PCID2: variants seen among roughly 807,000 people sequenced by gnomAD.
PCID2 encodes the protein PCI domain-containing protein 2.
A neutral mutation model predicts 61.3 loss-of-function variants in PCID2; 41 were observed. That is an observed-to-expected ratio of 0.67 (90% CI 0.52 to 0.87). PCID2 has a LOEUF of 0.87. PCID2 is among the 40% of genes least tolerant of loss of function. The pLI is 0.00. For synonymous variants in PCID2, 187 were observed against 177.8 expected (o/e 1.05, Z -0.41); for missense variants, 392 against 493.4 (o/e 0.79, Z 1.95).
Position 113,194,588 on chromosome 13 carries a change from A to G in PCID2, c.363+483T>C, listed in dbSNP as rs181319155. Among the ~76,000 whole-genome samples the G allele has an allele frequency of 2.5e-3, 375 of 152,294 alleles. 2 individuals carry two copies. The highest frequency in any genetic ancestry group is 4.1e-3 in the Non-Finnish European group (279 of 68,002). On this transcript the variant is annotated intron_variant, in intron 6 of 13. Transcript: ENST00000337344. The stretch of plus-strand genomic sequence containing the variant: ...GTAAAGGGGTCGTCCTAAAACCAAA[A>G]GGTTGACAAATGCTGCTCCATAATG...
chr13:113,182,574 A>G lies in PCID2; in HGVS notation c.686-1344T>C, dbSNP rs138477124. ...GAGTGCAGTGGCGCGATCTCAGCTC[A>G]CTGCAAGCTCCGCCTCCCGGGTTCA... On this transcript the variant is annotated intron_variant, in intron 9 of 13. Coordinates refer to ENST00000337344, the MANE Select transcript of PCID2 (RefSeq NM_001127202.4). Among the ~76,000 whole-genome samples the G allele has an allele frequency of 7.2e-3, 1,103 of 152,266 alleles. 19 individuals are homozygous for G. Among genetic ancestry groups the G allele is most frequent in the African/African-American group, 0.025 (1,030 of 41,564 alleles).
chr13:113,179,952 C>T lies in PCID2; in HGVS notation c.951G>A (p.Leu317=), dbSNP rs1329177505. The change falls in exon 12 of 14, where the codon CTG becomes CTA. Residue 317 remains leucine (L), a synonymous_variant. Coordinates refer to ENST00000337344, the MANE Select transcript of PCID2 (RefSeq NM_001127202.4). The surrounding 1 kb of genome is among the most constrained non-coding windows in gnomAD (Gnocchi z 4.3). ...AGAGGTTCCTGTAGGTGATGATCTT[C>T]AGCTTCTCCAGGATGAGGAAGATTC... ...RCGIFLILEK[L]KIITYRNLFK... The T allele has an allele frequency of 6.2e-6, 10 of 1,613,794 alleles. No homozygotes were observed. The highest frequency in any genetic ancestry group is 1.3e-5 in the African/African-American group (1 of 74,888).
chr13:113,181,423 C>T (rs2037625815), intron 9 of PCID2, among the ~76,000 whole-genome samples, 193 bp from the exon 10 acceptor site: 1 of 152,190 alleles, frequency 6.6e-6, no homozygotes, highest in Admixed American at 6.5e-5. Context: ...CCCCCAAATT[C>T]AACAGGAACT....
At chr13:113,175,880 C>T (rs1349646555), downstream of PCID2, among the ~76,000 whole-genome samples, 6 of 152,250 alleles carry the variant, frequency 3.9e-5, no homozygotes, top group South Asian at 6.2e-4. Context: ...TCCCAGAATC[C>T]AGCTCCCTAC....
At chr13:113,198,349 T>G in intron 2 of PCID2, 85 bp from the exon 3 acceptor site, 1 of 814,288 alleles carries the variant, frequency 1.2e-6, no homozygotes, top group South Asian at 1.6e-5. Flanking sequence ...TAAACCTCTG[T>G]TTCAAGAGAA....
At chr13:113,193,415 AACACTTTACTC>A (rs1488204925) in intron 6 of PCID2, among the ~76,000 whole-genome samples, 1 of 152,214 alleles carries the variant, frequency 6.6e-6, no homozygotes, top group African/African-American at 2.4e-5. Context: ...CAGGCAGAGA[AACACTTTACTC>A]AAAACAGTGT....
rs2037235596 is a variant in PCID2, at chr13:113,177,672, T to C, written c.*526A>G. The stretch of plus-strand genomic sequence containing the variant: ...CCTATCATAAATTGAGGAGCATCCA[T>C]ACAGGCAAGCTATAAAATCTGGAAA... On this transcript the variant is annotated 3_prime_UTR_variant, in exon 14 of 14. Transcript: ENST00000337344. 6.6e-6 allele frequency: 1 copy of C among 152,290 alleles called. No individual in the cohort carries two copies. The highest frequency in any genetic ancestry group is 2.1e-4 in the South Asian group (1 of 4,842). The allele number at this position is 152,290 out of a possible 1,614,324, so 9.4% of individuals were successfully genotyped here. A position where few individuals can be genotyped will look rare whatever the true frequency, so the allele number is the denominator to read the frequency against.
At chr13:113,204,640 C>A (rs1269992838) in intron 1 of PCID2, among the ~76,000 whole-genome samples, 1 of 152,168 alleles carries the variant, frequency 6.6e-6, no homozygotes, top group East Asian at 1.9e-4. Context: ...GGGCCTTGAG[C>A]CCAAGGAGGG....
chr13:113,182,934 TA>T (rs1391882928), intron 9 of PCID2, among the ~76,000 whole-genome samples: 1 of 152,202 alleles, frequency 6.6e-6, no homozygotes, highest in African/African-American at 2.4e-5. Flanking sequence ...AATAAATTAA[TA>T]AAAGTATACA....
chr13:113,175,104 T>C (rs2037167132), downstream of PCID2, among the ~76,000 whole-genome samples: 1 of 152,170 alleles, frequency 6.6e-6, no homozygotes, highest in Non-Finnish European at 1.5e-5. Context: ...TCCGCCATGA[T>C]TGTAAGTTTC....
intron 7 of PCID2, among the ~76,000 whole-genome samples, chr13:113,190,002 G>A (rs1209873796): frequency 1.2e-4 from 17 of 139,496 alleles, no homozygotes; most frequent in African/African-American, 4.2e-4. Context: ...CAGCCTGGGC[G>A]ACAGAGCAAG....
At position 113,205,077 on chromosome 13, in the gene PCID2, C is replaced by G. The variant is rs1595282275; in HGVS notation, c.36+3522G>C. On this transcript the variant is annotated intron_variant, in intron 1 of 13. Coordinates refer to ENST00000337344, the MANE Select transcript of PCID2 (RefSeq NM_001127202.4). ...GGAACTCATAACTCTTTTAAAAATT[C>G]AAAATCATTACAGGTCATGAACCTC... 2.6e-5 allele frequency among the ~76,000 whole-genome samples: 4 copies of G among 152,310 alleles called. No individual in the cohort carries two copies. The South Asian group carries it at 8.3e-4, about 32-fold the overall frequency.
intron 3 of PCID2, 132 bp from the exon 4 acceptor site, chr13:113,197,375 T>A (rs748434469): frequency 1.5e-6 from 1 of 673,094 alleles, no homozygotes; most frequent in African/African-American, 1.8e-5. Context: ...AACACACAAA[T>A]GGCTGAACAC....
At position 113,198,335 on chromosome 13, in the gene PCID2, G is replaced by C. The variant is rs894514777; in HGVS notation, c.127-71C>G. 16 of 874,894 alleles carry C rather than the reference G, an allele frequency of 1.8e-5. No individual in the cohort carries two copies. In the African/African-American group the frequency reaches 2.4e-4, roughly 13 times the overall value. The allele number at this position is 874,894 out of a possible 1,614,324, so 54.2% of individuals were successfully genotyped here. A position where few individuals can be genotyped will look rare whatever the true frequency, so the allele number is the denominator to read the frequency against. The stretch of plus-strand genomic sequence containing the variant: ...AGAAAGAATGCAACATATAGAAAGA[G>C]ATTTAAACCTCTGTTTCAAGAGAAT... On this transcript the variant is annotated intron_variant, in intron 2 of 13. Coordinates refer to ENST00000337344, the MANE Select transcript of PCID2 (RefSeq NM_001127202.4).
At chr13:113,208,257 C>A (rs1008005448) in intron 1 of PCID2, 7 of 1,440,928 alleles carry the variant, frequency 4.9e-6, no homozygotes, top group Non-Finnish European at 6.3e-6. Context: ...AGCGGGCCCT[C>A]GGCGTGGCCC....
rs554384298 is a variant in PCID2, at chr13:113,179,511, CGT to C, written c.986+404_986+405del. Among the ~76,000 whole-genome samples, 166 of 151,676 alleles carry C rather than the reference CGT, an allele frequency of 1.1e-3. No individual in the cohort carries two copies. The highest frequency in any genetic ancestry group is 3.9e-3 in the African/African-American group (162 of 41,530). ...CCTGCTGGGACGAGGCCTCAGAAGA[CGT>C]GTGAGGAAAGGAATGACGATCTCTG... On this transcript the variant is annotated intron_variant, in intron 12 of 13. Transcript: ENST00000337344. This position sits in a 1 kb window ranked among gnomAD's most constrained non-coding sequence, Gnocchi z 4.3.
At chr13:113,166,360 G>C in the PCID2 span, 1 of 152,136 alleles carries the variant, frequency 6.6e-6, no homozygotes, top group Non-Finnish European at 1.5e-5. Context: ...TGCAGCCCTC[G>C]TGTCCACAAT....
chr13:113,185,647 A>G, intron 7 of PCID2, 87 bp from the exon 8 acceptor site: 1 of 814,022 alleles, frequency 1.2e-6, no homozygotes, highest in Non-Finnish European at 2.0e-6. Context: ...ACAAATTAAT[A>G]TCTTGAGGTA....
chr13:113,166,301 T>C, the PCID2 span: 2 of 152,236 alleles, frequency 1.3e-5, no homozygotes, highest in Non-Finnish European at 2.9e-5. Context: ...TTATTTGCCT[T>C]TTTCCTTTAC....
Sources: gnomAD v4.1 joint callset for allele counts (sites outside exome capture counted in the v4.1 genomes callset) on GRCh38, gnomAD v4.1.1 for gene constraint, Gnocchi (gnomAD v3.1) non-coding constraint, MANE v1.5 for transcripts, NCBI Gene and HGNC (gene_info 2026-07-23, HGNC 2026-07-21) for gene names.